Variants in KCNK10 observed in about 807,000 individuals in gnomAD.
KCNK10 encodes potassium two pore domain channel subfamily K member 10, also known as potassium channel subfamily K member 10.
In KCNK10, 25 loss-of-function variants were observed where a neutral mutation model predicts 47.7. The ratio of observed to expected loss-of-function variants is 0.52; its 90% CI spans 0.38 to 0.73. KCNK10 has a LOEUF of 0.73. Ranked by LOEUF, KCNK10 falls within the 30% of genes least tolerant of loss-of-function variation. KCNK10 has a pLI of 0.00. For synonymous variants in KCNK10, 303 were observed against 285.6 expected (o/e 1.06, Z -0.61); for missense variants, 563 against 714.5 (o/e 0.79, Z 2.42).
At chr14:88,246,721 CA>C in intron 2 of KCNK10, among the ~76,000 whole-genome samples, 1 of 152,300 alleles carries the variant, frequency 6.6e-6, no homozygotes, top group South Asian at 2.1e-4. Flanking sequence ...GCACCTCATA[CA>C]TTACTCTTGC....
chr14:88,291,147 C>G (rs918003054), intron 1 of KCNK10, among the ~76,000 whole-genome samples: 15 of 152,206 alleles, frequency 9.9e-5, no homozygotes, highest in Admixed American at 9.2e-4. Context: ...AACTCCTGGT[C>G]GTGGAAACCA....
At chr14:88,301,670 C>A (rs1888103086) in intron 1 of KCNK10, among the ~76,000 whole-genome samples, 1 of 134,290 alleles carries the variant, frequency 7.4e-6, no homozygotes, top group Non-Finnish European at 1.6e-5. Context: ...AAAAAGAGGT[C>A]CCGTAAAGGC....
intron 4 of KCNK10, among the ~76,000 whole-genome samples, chr14:88,209,132 AG>A (rs769388957): frequency 5.3e-5 from 8 of 152,190 alleles, no homozygotes; most frequent in Non-Finnish European, 8.8e-5. Flanking sequence ...CCATCTTCCG[AG>A]GATCCCTTGT....
At chr14:88,199,585 C>A (rs1885034504) in intron 4 of KCNK10, among the ~76,000 whole-genome samples, 1 of 152,150 alleles carries the variant, frequency 6.6e-6, no homozygotes, top group South Asian at 2.1e-4. Flanking sequence ...GTAAAACACC[C>A]CTTGCCTCGC....
intron 3 of KCNK10, among the ~76,000 whole-genome samples, chr14:88,235,870 T>C (rs147619222): frequency 2.0e-3 from 302 of 152,318 alleles, no homozygotes; most frequent in African/African-American, 7.0e-3. Flanking sequence ...CTAGTAATGT[T>C]ATCAGATGAA....
intron 1 of KCNK10, 148 bp from the exon 2 acceptor site, chr14:88,263,699 A>T: frequency 1.4e-6 from 1 of 719,498 alleles, no homozygotes; most frequent in Non-Finnish European, 2.2e-6. Flanking sequence ...GCAGTTAGGG[A>T]ATTTGATCAG....
intron 1 of KCNK10, among the ~76,000 whole-genome samples, chr14:88,304,551 A>G (rs1888169071): frequency 1.3e-5 from 2 of 152,250 alleles, no homozygotes; most frequent in Admixed American, 1.3e-4. Context: ...ACATGTCCTC[A>G]GCTGAGGTTG....
chr14:88,313,134 T>C (rs1888360149), intron 1 of KCNK10, among the ~76,000 whole-genome samples: 1 of 152,240 alleles, frequency 6.6e-6, no homozygotes, highest in Non-Finnish European at 1.5e-5. Flanking sequence ...ACTTAAGCTC[T>C]ATAGGCCTCA....
intron 4 of KCNK10, among the ~76,000 whole-genome samples, chr14:88,215,325 T>C (rs1885582914): frequency 6.6e-6 from 1 of 152,182 alleles, no homozygotes; most frequent in Non-Finnish European, 1.5e-5. Context: ...GGAAGGCACC[T>C]ATTCACAGGA....
chr14:88,305,233 T>C (rs1888182709), intron 1 of KCNK10, among the ~76,000 whole-genome samples: 1 of 151,832 alleles, frequency 6.6e-6, no homozygotes, highest in South Asian at 2.1e-4. Flanking sequence ...GAAGAAAATG[T>C]TGTGACTAGA....
intron 1 of KCNK10, among the ~76,000 whole-genome samples, chr14:88,292,832 C>T (rs1887910415): frequency 6.6e-6 from 1 of 151,970 alleles, no homozygotes; most frequent in South Asian, 2.1e-4. Flanking sequence ...AGGGTTTCAC[C>T]AGGCTGGTCT....
intron 1 of KCNK10, among the ~76,000 whole-genome samples, chr14:88,320,682 T>C (rs543790702): frequency 1.3e-5 from 2 of 152,330 alleles, no homozygotes; most frequent in Non-Finnish European, 2.9e-5. Context: ...TCACGTCCTC[T>C]ACAGCTCTCT....
chr14:88,218,467 A>G (rs1436141833), intron 4 of KCNK10, among the ~76,000 whole-genome samples: 2 of 152,078 alleles, frequency 1.3e-5, no homozygotes, highest in African/African-American at 2.4e-5. Context: ...GTCTAGGGTA[A>G]TGTTTTATTA....
intron 1 of KCNK10, among the ~76,000 whole-genome samples, chr14:88,316,230 C>T (rs532999815): frequency 2.0e-5 from 3 of 152,002 alleles, no homozygotes; most frequent in African/African-American, 4.8e-5. Flanking sequence ...TGATTATGAC[C>T]CTTACTCCCT....
intron 4 of KCNK10, among the ~76,000 whole-genome samples, chr14:88,226,744 G>C (rs1021180703): frequency 6.6e-6 from 1 of 152,142 alleles, no homozygotes; most frequent in Non-Finnish European, 1.5e-5. Context: ...CTTGAGTTGA[G>C]ATAGTTGTCT....
chr14:88,217,809 G>A (rs949543997), intron 4 of KCNK10, among the ~76,000 whole-genome samples: 1 of 151,740 alleles, frequency 6.6e-6, no homozygotes, highest in Non-Finnish European at 1.5e-5. Context: ...TGCAACCTCT[G>A]CCTCCCCGGT....
At chr14:88,249,901 G>A (rs1392514421) in intron 2 of KCNK10, among the ~76,000 whole-genome samples, 1 of 152,034 alleles carries the variant, frequency 6.6e-6, no homozygotes, top group Non-Finnish European at 1.5e-5. Context: ...CATAGCACCT[G>A]CTTCATTATA....
At chr14:88,275,693 C>CAAAAAAAA (rs71126972) in intron 1 of KCNK10, among the ~76,000 whole-genome samples, 816 of 71,910 alleles carry the variant, frequency 0.011, no homozygotes, top group Non-Finnish European at 0.015. Context: ...GCTAAAAATA[C>CAAAAAAAA]AAAAAAAAAA....
At chr14:88,285,795 G>T (rs115219338) in intron 1 of KCNK10, among the ~76,000 whole-genome samples, 1,684 of 152,284 alleles carry the variant, frequency 0.011, 41 homozygotes, top group African/African-American at 0.039. Flanking sequence ...CTGGAAGACT[G>T]TATTTACCAA....
Sources: allele counts gnomAD v4.1 joint callset (sites outside exome capture counted in the v4.1 genomes callset), GRCh38; gene constraint gnomAD v4.1.1; transcripts MANE v1.5; gene names NCBI Gene and HGNC (gene_info 2026-07-23, HGNC 2026-07-21).